Variants in EPHA7 observed in about 807,000 individuals in gnomAD.
EPHA7 encodes ephrin type-A receptor 7.
A neutral mutation model predicts 112.6 loss-of-function variants in EPHA7; 25 were observed. That is an observed-to-expected ratio of 0.22 (90% CI 0.16 to 0.31). The LOEUF (loss-of-function observed/expected upper bound fraction) is 0.31, where lower values mean the gene tolerates loss of function less well. Ranked by LOEUF, EPHA7 falls within the 10% of genes least tolerant of loss-of-function variation. The pLI, the probability that EPHA7 is intolerant of heterozygous loss-of-function variation, is 1.00. For synonymous variants in EPHA7, 437 were observed against 406.5 expected (o/e 1.07, Z -0.90); for missense variants, 962 against 1,212.6 (o/e 0.79, Z 3.07).
intron 5 of EPHA7, among the ~76,000 whole-genome samples, chr6:93,323,786 C>T (rs565358377): frequency 1.5e-3 from 232 of 151,530 alleles, no homozygotes; most frequent in African/African-American, 5.4e-3. Context: ...TAGCTAAATG[C>T]CAGATACCCT....
At chr6:93,290,900 T>C (rs1772324441) in intron 5 of EPHA7, among the ~76,000 whole-genome samples, 1 of 152,184 alleles carries the variant, frequency 6.6e-6, no homozygotes, top group South Asian at 2.1e-4. Flanking sequence ...AACTGGATTC[T>C]GCATTTCATC....
chr6:93,385,217 T>C (rs1777541149), intron 3 of EPHA7, among the ~76,000 whole-genome samples: 1 of 152,150 alleles, frequency 6.6e-6, no homozygotes, highest in Non-Finnish European at 1.5e-5. Context: ...ATTGCAAATG[T>C]ATAATGGTTT....
At chr6:93,339,764 T>A (rs965573628) in intron 5 of EPHA7, among the ~76,000 whole-genome samples, 1 of 151,818 alleles carries the variant, frequency 6.6e-6, no homozygotes, top group African/African-American at 2.4e-5. Flanking sequence ...GCAATACATA[T>A]TTTTGGCATG....
intron 5 of EPHA7, among the ~76,000 whole-genome samples, chr6:93,333,754 G>A (rs1375651660): frequency 6.6e-6 from 1 of 151,724 alleles, no homozygotes; most frequent in Non-Finnish European, 1.5e-5. Flanking sequence ...TGAAAGATCT[G>A]TACAATGAGA....
chr6:93,400,059 C>T (rs1249695910), intron 3 of EPHA7, among the ~76,000 whole-genome samples: 1 of 151,906 alleles, frequency 6.6e-6, no homozygotes, highest in Non-Finnish European at 1.5e-5. Flanking sequence ...GGGTGAGGGG[C>T]ATATCCTACC....
At chr6:93,287,709 C>G (rs1772140995) in intron 5 of EPHA7, among the ~76,000 whole-genome samples, 1 of 151,832 alleles carries the variant, frequency 6.6e-6, no homozygotes, top group African/African-American at 2.4e-5. Context: ...CCAAAATGCC[C>G]CAGTATGTGT....
At chr6:93,264,417 C>G (rs1229448479) in intron 8 of EPHA7, among the ~76,000 whole-genome samples, 177 bp downstream of exon 8, 1 of 151,508 alleles carries the variant, frequency 6.6e-6, no homozygotes, top group African/African-American at 2.4e-5. Flanking sequence ...AGGCAGTGAT[C>G]AAACTCATAT....
intron 3 of EPHA7, among the ~76,000 whole-genome samples, chr6:93,403,140 C>T (rs917667015): frequency 6.6e-6 from 1 of 151,986 alleles, no homozygotes; most frequent in African/African-American, 2.4e-5. Context: ...CTCCCATCCT[C>T]ACAAAGTTGA....
intron 5 of EPHA7, among the ~76,000 whole-genome samples, chr6:93,304,699 G>T (rs189870287): frequency 6.6e-6 from 1 of 152,156 alleles, no homozygotes; most frequent in Non-Finnish European, 1.5e-5. Flanking sequence ...ATTCTCCAGT[G>T]GCTTCTCACT....
chr6:93,382,030 TAA>T (rs1027202309), intron 3 of EPHA7, among the ~76,000 whole-genome samples: 4 of 152,204 alleles, frequency 2.6e-5, no homozygotes, highest in Non-Finnish European at 4.4e-5. Context: ...GAATTTGATA[TAA>T]GTCAACTGTA....
At chr6:93,400,198 C>T (rs1447989240) in intron 3 of EPHA7, among the ~76,000 whole-genome samples, 1 of 151,920 alleles carries the variant, frequency 6.6e-6, no homozygotes, top group Non-Finnish European at 1.5e-5. Context: ...TTTAAAAATC[C>T]ATTAGGTTTA....
intron 14 of EPHA7, 119 bp from the exon 15 acceptor site, chr6:93,247,104 GACTT>G: frequency 1.1e-6 from 1 of 926,900 alleles, no homozygotes; most frequent in East Asian, 2.7e-5. Context: ...CTTCACAAAA[GACTT>G]ACTTTTTTCC....
intron 5 of EPHA7, among the ~76,000 whole-genome samples, chr6:93,353,735 A>AT (rs919105621): frequency 3.0e-4 from 44 of 148,232 alleles, no homozygotes; most frequent in African/African-American, 6.2e-4. Flanking sequence ...TTTTATCCCC[A>AT]TTTTTTTTTT....
At chr6:93,289,463 C>CA (rs3078554) in intron 5 of EPHA7, among the ~76,000 whole-genome samples, 53 of 144,792 alleles carry the variant, frequency 3.7e-4, no homozygotes, top group South Asian at 8.8e-4. Flanking sequence ...ACTAAAAATA[C>CA]AAAAAAAAAA....
rs754137746 is a variant in EPHA7 at position 93,411,017 on chromosome 6, G to C, written c.316C>G (p.Leu106Val). Residue 106 changes from leucine (L) to valine (V), a missense_variant, in exon 3 of 17, where the codon CTG (leucine) becomes GTG (valine). Leu to Val is a conservative substitution (Grantham distance 32). Transcript: ENST00000369303. ...CCAGGAAGACTGTTACAATCCCTCA[G>C]GGTGAATTTCAATTCTACAAAAATC... ...QRIFVELKFT[L>V]RDCNSLPGVL... The C allele has an allele frequency of 1.2e-6, 2 of 1,614,034 alleles. No individual in the cohort carries two copies. Among genetic ancestry groups the C allele is most frequent in the Non-Finnish European group, 1.7e-6 (2 of 1,179,976 alleles).
chr6:93,265,946 C>T (rs1036346317), intron 7 of EPHA7, among the ~76,000 whole-genome samples: 5 of 151,634 alleles, frequency 3.3e-5, no homozygotes, highest in African/African-American at 1.2e-4. Context: ...TATACCTATG[C>T]TAACAAGAGA....
At chr6:93,360,991 T>C (rs1776233901) in intron 3 of EPHA7, among the ~76,000 whole-genome samples, 1 of 152,114 alleles carries the variant, frequency 6.6e-6, no homozygotes, top group Non-Finnish European at 1.5e-5. Context: ...ATTTTTATTA[T>C]ACATTTTTAC....
chr6:93,345,958 C>A (rs1775386073), intron 5 of EPHA7, among the ~76,000 whole-genome samples: 1 of 151,602 alleles, frequency 6.6e-6, no homozygotes, highest in African/African-American at 2.4e-5. Context: ...CATTTACTCC[C>A]TCTGAACTCA....
intron 3 of EPHA7, among the ~76,000 whole-genome samples, chr6:93,377,705 T>G (rs1001064722): frequency 5.3e-5 from 8 of 152,106 alleles, no homozygotes; most frequent in South Asian, 2.1e-4. Flanking sequence ...AGCAGAAAAC[T>G]TAAAAGTTTC....
Sources: gnomAD v4.1 joint callset for allele counts (sites outside exome capture counted in the v4.1 genomes callset) on GRCh38, gnomAD v4.1.1 for gene constraint, MANE v1.5 for transcripts, NCBI Gene and HGNC (gene_info 2026-07-23, HGNC 2026-07-21) for gene names.